Variants in VPS8 observed in about 807,000 individuals in gnomAD.
VPS8 encodes the protein vacuolar protein sorting-associated protein 8 homolog.
Under a neutral mutation model 216.4 loss-of-function variants are expected in VPS8, and 129 were observed. That is an observed-to-expected ratio of 0.60 (90% confidence interval 0.52 to 0.69). The LOEUF (loss-of-function observed/expected upper bound fraction) is 0.69, where lower values mean the gene tolerates loss of function less well. VPS8 is among the 30% of genes least tolerant of loss of function. The pLI is 0.00. For synonymous variants in VPS8, 571 were observed against 565.4 expected, an observed-to-expected ratio of 1.01 and a Z score of -0.14; for missense variants, 1,531 against 1,683.5, an observed-to-expected ratio of 0.91 and a Z score of 1.59.
chr3:184,964,017 C>CT (rs1397677408), intron 37 of VPS8, among the ~76,000 whole-genome samples: 1 of 151,714 alleles, frequency 6.6e-6, no homozygotes, highest in Non-Finnish European at 1.5e-5. Flanking sequence ...TACTTTTTTC[C>CT]TTTTTTCTCC....
intron 10 of VPS8, among the ~76,000 whole-genome samples, chr3:184,851,600 C>T (rs1362021711): frequency 6.6e-6 from 1 of 152,096 alleles, no homozygotes; most frequent in Non-Finnish European, 1.5e-5. Flanking sequence ...CTCCAGCGGA[C>T]CATGTCATGC....
chr3:184,898,520 T>C (rs1386757994), intron 23 of VPS8, 45 bp from the exon 24 acceptor site: 1 of 1,410,336 alleles, frequency 7.1e-7, no homozygotes, highest in Admixed American at 2.1e-5. Context: ...AGGAAAATAA[T>C]TGGTGACTGA....
intron 42 of VPS8, among the ~76,000 whole-genome samples, chr3:184,992,337 A>T (rs531077584): frequency 6.6e-6 from 1 of 152,312 alleles, no homozygotes; most frequent in East Asian, 1.9e-4. Flanking sequence ...TCATTAGTTT[A>T]TCATTTACTT....
rs1271804174 is a variant in VPS8, at chr3:184,863,014, A to G, written c.1342A>G (p.Asn448Asp). The change falls in exon 16 of 48, where the codon AAT becomes GAT. Residue 448 changes from asparagine (N) to aspartate (D), a missense_variant. Transcript: ENST00000625842. ...GATCTCAGAAGTTCAGCTGGTCTAC[A>G]ATAGCAGCCATTTCAAATCACTAGC... ...VEISEVQLVY[N>D]SSHFKSLATG... 1 of 1,613,898 alleles carries G rather than the reference A, an allele frequency of 6.2e-7. No individual in the cohort carries two copies. The highest frequency in any genetic ancestry group is 8.5e-7 in the Non-Finnish European group (1 of 1,179,826).
intron 21 of VPS8, among the ~76,000 whole-genome samples, chr3:184,884,711 A>AAATGTT (rs1211506260): frequency 1.3e-5 from 2 of 152,016 alleles, no homozygotes; most frequent in East Asian, 1.9e-4. Context: ...TCCCTCTGTT[A>AAATGTT]AAAGGGTTTG....
At position 184,826,679 on chromosome 3, in the gene VPS8, G is replaced by A. The variant is rs548723316; in HGVS notation, c.222+448G>A. Among the ~76,000 whole-genome samples the A allele has an allele frequency of 6.6e-5, 10 of 152,292 alleles. No individual in the cohort carries two copies. The South Asian group carries it at 2.1e-3, about 32-fold the overall frequency. On this transcript the variant is annotated intron_variant, in intron 3 of 47. Transcript: ENST00000625842. Reference sequence around the variant, plus strand: ...AAAATTTATGTCACTTTTGAGGTTTGTATTATGTGTTGCTAATGGTTAAGT... The same window carrying A: ...AAAATTTATGTCACTTTTGAGGTTTATATTATGTGTTGCTAATGGTTAAGT...
chr3:184,983,495 A>G (rs1178180399), intron 42 of VPS8, among the ~76,000 whole-genome samples: 2 of 152,214 alleles, frequency 1.3e-5, no homozygotes, highest in African/African-American at 2.4e-5. Context: ...TAGGCTTTCT[A>G]ACTCATCCTA....
intron 36 of VPS8, among the ~76,000 whole-genome samples, chr3:184,956,740 G>C (rs1236049276): frequency 1.3e-5 from 2 of 152,118 alleles, no homozygotes; most frequent in Non-Finnish European, 1.5e-5. Flanking sequence ...GTGAATAGCG[G>C]GCTATGTGAG....
chr3:184,849,695 A>G, intron 9 of VPS8: 1 of 502,996 alleles, frequency 2.0e-6, no homozygotes, highest in South Asian at 2.5e-5. Context: ...GTCTCTCAGT[A>G]TGAGAACAAC....
intron 29 of VPS8, among the ~76,000 whole-genome samples, chr3:184,921,890 G>C (rs1182362896): frequency 6.6e-6 from 1 of 152,078 alleles, no homozygotes; most frequent in Admixed American, 6.6e-5. Flanking sequence ...TCTAAGTTAG[G>C]AGGGAAGACT....
intron 36 of VPS8, among the ~76,000 whole-genome samples, chr3:184,956,741 GC>G (rs1221292313): frequency 1.3e-5 from 2 of 152,148 alleles, no homozygotes; most frequent in African/African-American, 4.8e-5. Flanking sequence ...TGAATAGCGG[GC>G]TATGTGAGTA....
chr3:185,003,600 A>G (rs1222559728), intron 45 of VPS8, among the ~76,000 whole-genome samples: 3 of 151,440 alleles, frequency 2.0e-5, no homozygotes, highest in Non-Finnish European at 4.4e-5. Flanking sequence ...TCTTTTCCCC[A>G]CCTTTCCCCC....
intron 46 of VPS8, among the ~76,000 whole-genome samples, chr3:185,037,177 C>G (rs1472585184): frequency 2.0e-5 from 3 of 151,606 alleles, no homozygotes; most frequent in Non-Finnish European, 4.4e-5. Context: ...AACAAATTCT[C>G]TCAGTTTTTG....
chr3:184,935,649 TAGTC>T (rs971983431), intron 34 of VPS8, among the ~76,000 whole-genome samples: 6 of 152,154 alleles, frequency 3.9e-5, no homozygotes, highest in Non-Finnish European at 8.8e-5. Flanking sequence ...AAGAAAAGGA[TAGTC>T]AGTAGTGTCC....
rs1474975278 is a variant in VPS8 at position 184,883,676 on chromosome 3, C to G, written c.1735-2434C>G. On this transcript the variant is annotated intron_variant, in intron 21 of 47. Transcript: ENST00000625842. ...GCCTTGGTTTCCAGTCTTGGTTTTT[C>G]AGATGCCCCCACCCTACAGTCACCA... 1.0e-3 allele frequency among the ~76,000 whole-genome samples: 158 copies of G among 152,008 alleles called. 2 individuals carry two copies. The highest frequency in any genetic ancestry group is 0.01 in the Admixed American group (158 of 15,264).
intron 30 of VPS8, among the ~76,000 whole-genome samples, chr3:184,925,745 T>C (rs1739467545): frequency 6.6e-6 from 1 of 151,954 alleles, no homozygotes; most frequent in Non-Finnish European, 1.5e-5. Flanking sequence ...CAACACTGCC[T>C]TATAGTTATG....
chr3:184,886,214 A>G (rs1439571465), intron 22 of VPS8, 58 bp downstream of exon 22: 4 of 1,466,256 alleles, frequency 2.7e-6, no homozygotes, highest in Non-Finnish European at 3.8e-6. Context: ...CCTCTTATGT[A>G]TAAGCCATTG....
chr3:184,904,725 G>A (rs1735170697), intron 25 of VPS8, among the ~76,000 whole-genome samples: 1 of 152,152 alleles, frequency 6.6e-6, no homozygotes, highest in African/African-American at 2.4e-5. Flanking sequence ...CTCATAGAAT[G>A]AGTTGGGAAG....
At chr3:184,840,897 G>A (rs1038991590) in intron 7 of VPS8, among the ~76,000 whole-genome samples, 11 of 152,064 alleles carry the variant, frequency 7.2e-5, no homozygotes, top group Non-Finnish European at 1.0e-4. Context: ...GCAGAACCAC[G>A]ATTTGATTTC....
Sources: gnomAD v4.1 joint callset for allele counts (sites outside exome capture counted in the v4.1 genomes callset) on GRCh38, gnomAD v4.1.1 for gene constraint, MANE v1.5 for transcripts, NCBI Gene and HGNC (gene_info 2026-07-23, HGNC 2026-07-21) for gene names.